PLEKHM3: variants seen among roughly 807,000 people sequenced by gnomAD.
The protein encoded by PLEKHM3 is pleckstrin homology domain containing M3.
A neutral mutation model predicts 81.8 loss-of-function variants in PLEKHM3; 45 were observed. The ratio of observed to expected loss-of-function variants is 0.55; its 90% CI spans 0.43 to 0.71. The LOEUF is 0.71. Ranked by LOEUF, PLEKHM3 falls within the 30% of genes least tolerant of loss-of-function variation. The probability of loss-of-function intolerance (pLI) is 0.00; values close to 1 mark genes in which losing one functional copy is unlikely to be tolerated. For synonymous variants in PLEKHM3, 352 were observed against 356.4 expected, an observed-to-expected ratio of 0.99 and a Z score of 0.14; for missense variants, 788 against 924.3, an observed-to-expected ratio of 0.85 and a Z score of 1.91.
chr2:207,885,175 T>G (rs1009006976), intron 6 of PLEKHM3, among the ~76,000 whole-genome samples: 3 of 152,266 alleles, frequency 2.0e-5, no homozygotes, highest in Non-Finnish European at 4.4e-5. Context: ...CTGAAAGCTC[T>G]GACTAGTTTC....
intron 2 of PLEKHM3, among the ~76,000 whole-genome samples, chr2:207,996,332 G>T (rs1692121245): frequency 6.6e-6 from 1 of 152,166 alleles, no homozygotes; most frequent in Non-Finnish European, 1.5e-5. Flanking sequence ...AAATGGTGAT[G>T]TGAAGGTGGA....
intron 7 of PLEKHM3, among the ~76,000 whole-genome samples, chr2:207,836,922 G>T (rs1319873403): frequency 6.6e-6 from 1 of 152,222 alleles, no homozygotes; most frequent in African/African-American, 2.4e-5. Flanking sequence ...TTTCCACTCT[G>T]CAGAGCCCAC....
chr2:207,983,638 A>G (rs1400588786), intron 2 of PLEKHM3, among the ~76,000 whole-genome samples: 1 of 152,020 alleles, frequency 6.6e-6, no homozygotes, highest in Non-Finnish European at 1.5e-5. Context: ...TACTGTGGCT[A>G]ATACAAAGAC....
intron 6 of PLEKHM3, among the ~76,000 whole-genome samples, chr2:207,867,197 G>A (rs539150381): frequency 6.6e-6 from 1 of 152,290 alleles, no homozygotes; most frequent in African/African-American, 2.4e-5. Context: ...TCTGCTGTGT[G>A]ATTCAAGGAG....
intron 7 of PLEKHM3, among the ~76,000 whole-genome samples, chr2:207,844,549 A>G (rs1282630882): frequency 3.9e-4 from 58 of 147,408 alleles, no homozygotes; most frequent in Non-Finnish European, 6.6e-4. Flanking sequence ...CTCGTGATCC[A>G]CCCGCCTAGG....
At position 207,976,804 on chromosome 2, in the gene PLEKHM3, G is replaced by A. The variant is rs372147434; in HGVS notation, c.1393C>T (p.Leu465=). Residue 465 remains leucine (L), a synonymous_variant, in exon 3 of 8, where the codon CTG becomes TTG. Transcript: ENST00000427836. The surrounding 1 kb of genome is among the most constrained non-coding windows in gnomAD (Gnocchi z 4.1). ...GGTTTGTTCCTCAGTGTGACTTGCA[G>A]GTTTTGCTCTGAACTCCTCGCCACA... is the stretch of plus-strand genomic sequence containing the variant. ...ANVARSSEQN[L]QVTLRNKPKD... is the part of the protein sequence containing the mutation. 2.0e-5 allele frequency: 33 copies of A among 1,614,102 alleles called. No individual in the cohort carries two copies. Among genetic ancestry groups the A allele is most frequent in the Non-Finnish European group, 2.8e-5 (33 of 1,180,058 alleles).
At chr2:208,015,999 G>A (rs528299084) in intron 1 of PLEKHM3, among the ~76,000 whole-genome samples, 2 of 152,058 alleles carry the variant, frequency 1.3e-5, no homozygotes, top group East Asian at 3.9e-4. Context: ...TTCGAGACCA[G>A]CCTGGCCAAA....
At chr2:207,955,528 G>A (rs6705199) in intron 3 of PLEKHM3, among the ~76,000 whole-genome samples, 83,111 of 151,994 alleles carry the variant, frequency 0.55, 23,133 homozygotes, top group Middle Eastern at 0.71. Flanking sequence ...ACACACAAAC[G>A]AACATATGTA....
At chr2:207,900,349 C>T (rs1167333184) in intron 6 of PLEKHM3, 1 of 152,198 alleles carries the variant, frequency 6.6e-6, no homozygotes, top group Non-Finnish European at 1.5e-5. Flanking sequence ...GAGTGAGCAT[C>T]TCCAGACAGC....
intron 2 of PLEKHM3, among the ~76,000 whole-genome samples, chr2:207,999,985 T>C (rs1032516139): frequency 2.6e-5 from 4 of 152,176 alleles, no homozygotes; most frequent in African/African-American, 7.2e-5. Flanking sequence ...AGTAGGGTGA[T>C]TGAGAGTCAT....
At chr2:207,858,496 T>G (rs887110750) in intron 7 of PLEKHM3, among the ~76,000 whole-genome samples, 9 of 151,764 alleles carry the variant, frequency 5.9e-5, no homozygotes, top group Non-Finnish European at 8.8e-5. Flanking sequence ...TTTTTTTTTT[T>G]TTTGAGACAG....
chr2:207,986,495 T>A (rs769014223), intron 2 of PLEKHM3, among the ~76,000 whole-genome samples: 2 of 152,194 alleles, frequency 1.3e-5, no homozygotes, highest in East Asian at 1.9e-4. Context: ...ACAACTGTTA[T>A]ATAGGCTCAA....
At chr2:207,953,342 T>C (rs527737890) in intron 3 of PLEKHM3, among the ~76,000 whole-genome samples, 23 of 152,358 alleles carry the variant, frequency 1.5e-4, no homozygotes, top group African/African-American at 5.3e-4. Flanking sequence ...TGAAATGTAC[T>C]GATGGTTGTT....
intron 1 of PLEKHM3, among the ~76,000 whole-genome samples, chr2:208,014,711 T>C (rs1692821505): frequency 6.6e-6 from 1 of 152,236 alleles, no homozygotes; most frequent in Non-Finnish European, 1.5e-5. Context: ...TTAAAACAGT[T>C]TCTGAATTTC....
intron 4 of PLEKHM3, among the ~76,000 whole-genome samples, chr2:207,936,982 G>C (rs1317402644): frequency 6.6e-6 from 1 of 151,754 alleles, no homozygotes; most frequent in African/African-American, 2.4e-5. Context: ...ATACTATATT[G>C]TCATTTTTGT....
At chr2:207,944,938 ACTTCT>A (rs1690072307) in intron 4 of PLEKHM3, among the ~76,000 whole-genome samples, 1 of 152,108 alleles carries the variant, frequency 6.6e-6, no homozygotes, top group Admixed American at 6.5e-5. Context: ...GTTACTCCTG[ACTTCT>A]CTTCTTCCTT....
chr2:207,839,887 A>G (rs528455389), intron 7 of PLEKHM3, among the ~76,000 whole-genome samples: 1 of 152,290 alleles, frequency 6.6e-6, no homozygotes, highest in South Asian at 2.1e-4. Flanking sequence ...TGATGGTGCC[A>G]CTACATTTCA....
At position 207,925,302 on chromosome 2, in the gene PLEKHM3, T is replaced by C. The variant is rs1027614975; in HGVS notation, c.1886+5624A>G. Reference sequence around the variant, plus strand: ...GCCAGAGTCCGCATCTCATAACTTCTACTGATCCTGTGTGCTCTGCACAGA... The same window carrying C: ...GCCAGAGTCCGCATCTCATAACTTCCACTGATCCTGTGTGCTCTGCACAGA... On this transcript the variant is annotated intron_variant, in intron 5 of 7. Transcript: ENST00000427836. Among the ~76,000 whole-genome samples, 7 of 152,014 alleles carry C rather than the reference T, an allele frequency of 4.6e-5. No homozygotes were observed. In the East Asian group the frequency reaches 1.2e-3, roughly 25 times the overall value.
intron 2 of PLEKHM3, among the ~76,000 whole-genome samples, chr2:207,979,713 G>A (rs2106039261): frequency 6.6e-6 from 1 of 152,194 alleles, no homozygotes; most frequent in Admixed American, 6.5e-5. Flanking sequence ...TACTGCCAAA[G>A]GGTATGATTT....
Sources: gnomAD v4.1 joint callset for allele counts (sites outside exome capture counted in the v4.1 genomes callset) on GRCh38, gnomAD v4.1.1 for gene constraint, Gnocchi (gnomAD v3.1) non-coding constraint, MANE v1.5 for transcripts, NCBI Gene and HGNC (gene_info 2026-07-23, HGNC 2026-07-21) for gene names.